Variants in PACSIN2 observed in about 807,000 individuals in gnomAD.
The protein encoded by PACSIN2 is protein kinase C and casein kinase substrate in neurons protein 2.
In PACSIN2, 25 loss-of-function variants were observed where a neutral mutation model predicts 63.8. The ratio of observed to expected loss-of-function variants is 0.39; its 90% CI spans 0.29 to 0.55. The LOEUF is 0.55. PACSIN2 is among the 20% of genes least tolerant of loss of function. The pLI is 0.62. For missense variants in PACSIN2, 518 were observed against 646.9 expected (o/e 0.80, Z 2.16); for synonymous variants, 255 against 256.2 (o/e 1.00, Z 0.05).
At chr22:42,909,946 C>T (rs977648332) in intron 2 of PACSIN2, among the ~76,000 whole-genome samples, 1 of 152,220 alleles carries the variant, frequency 6.6e-6, no homozygotes, top group African/African-American at 2.4e-5. Context: ...AGGGCCCCCA[C>T]CAGCCTTGCC....
intron 1 of PACSIN2, among the ~76,000 whole-genome samples, chr22:42,946,113 G>C (rs1933407525): frequency 6.6e-6 from 1 of 152,226 alleles, no homozygotes; most frequent in Non-Finnish European, 1.5e-5. Flanking sequence ...AATTAGAGGA[G>C]GTGGAGGAGA....
chr22:42,928,906 C>T (rs1932699599), intron 1 of PACSIN2, among the ~76,000 whole-genome samples: 2 of 152,310 alleles, frequency 1.3e-5, no homozygotes, highest in East Asian at 3.9e-4. Flanking sequence ...TGGGCAAGTC[C>T]CTTATCTTCT....
At chr22:42,969,092 A>AC (rs1203610422) in intron 1 of PACSIN2, among the ~76,000 whole-genome samples, 1 of 138,308 alleles carries the variant, frequency 7.2e-6, no homozygotes, top group African/African-American at 2.8e-5. Context: ...TCTGACTAAT[A>AC]CAGCCACGTA....
At chr22:42,907,393 T>C (rs1931148863) in intron 2 of PACSIN2, among the ~76,000 whole-genome samples, 1 of 152,242 alleles carries the variant, frequency 6.6e-6, no homozygotes, top group Non-Finnish European at 1.5e-5. Context: ...CAGCAGATAC[T>C]AGTTCAGTGA....
chr22:42,934,569 G>C (rs1325558282), intron 1 of PACSIN2, among the ~76,000 whole-genome samples: 1 of 152,228 alleles, frequency 6.6e-6, no homozygotes, highest in East Asian at 1.9e-4. Flanking sequence ...CACACGTGCA[G>C]CACACTGCCA....
At chr22:42,964,041 T>C (rs557196479) in intron 1 of PACSIN2, among the ~76,000 whole-genome samples, 1 of 152,334 alleles carries the variant, frequency 6.6e-6, no homozygotes, top group African/African-American at 2.4e-5. Flanking sequence ...TTTCATTACC[T>C]CAAAGAGAAA....
chr22:43,010,398 A>ATATATATATATATATATATAT, intron 1 of PACSIN2, among the ~76,000 whole-genome samples: 289 of 126,386 alleles, frequency 2.3e-3, no homozygotes, highest in East Asian at 6.9e-3. Context: ...ATATATATAT[A>ATATATATATATATATATATAT]TTTTTTTTTA....
intron 1 of PACSIN2, among the ~76,000 whole-genome samples, chr22:42,914,098 A>G (rs1931651459): frequency 6.6e-6 from 1 of 152,218 alleles, no homozygotes; most frequent in Non-Finnish European, 1.5e-5. Flanking sequence ...GCTCTCATGG[A>G]GAGAACTCCA....
intron 1 of PACSIN2, among the ~76,000 whole-genome samples, chr22:42,921,220 G>A (rs923030143): frequency 2.6e-5 from 4 of 151,960 alleles, no homozygotes; most frequent in East Asian, 1.9e-4. Context: ...TTAGCCAGGC[G>A]TGGTGGCACA....
Position 42,871,310 on chromosome 22 carries a change from T to C in PACSIN2, c.*47A>G, listed in dbSNP as rs1415996301. 2.4e-6 allele frequency: 3 copies of C among 1,240,908 alleles called. No homozygotes were observed. Among genetic ancestry groups the C allele is most frequent in the Admixed American group, 3.4e-5 (2 of 58,198 alleles). 76.9% of individuals were successfully genotyped at this position (1,240,908 alleles called of 1,614,324 possible). A position where few individuals can be genotyped will look rare whatever the true frequency, so the allele number is the denominator to read the frequency against. On this transcript the variant is annotated 3_prime_UTR_variant, in exon 11 of 11. Transcript: ENST00000263246. The surrounding 1 kb of genome is among the most constrained non-coding windows in gnomAD (Gnocchi z 5.4). Reference sequence around the variant, plus strand: ...GGATGCCCACGTGGCTGGCTGAGGCTCCTGGGCCCGCCGCCTCCGTCCCCC... The same window carrying C: ...GGATGCCCACGTGGCTGGCTGAGGCCCCTGGGCCCGCCGCCTCCGTCCCCC...
At chr22:43,012,897 GC>G (rs1487439909) in intron 1 of PACSIN2, among the ~76,000 whole-genome samples, 25 of 151,986 alleles carry the variant, frequency 1.6e-4, no homozygotes, top group Non-Finnish European at 2.8e-4. Flanking sequence ...CTGGTGATCC[GC>G]CCGCCTCTGC....
At chr22:42,924,649 G>A (rs1397171850) in intron 1 of PACSIN2, among the ~76,000 whole-genome samples, 1 of 152,016 alleles carries the variant, frequency 6.6e-6, no homozygotes, top group East Asian at 1.9e-4. Flanking sequence ...TGGCTCCTCC[G>A]CTGGTCTGGG....
chr22:42,934,563 C>A (rs925675334), intron 1 of PACSIN2, among the ~76,000 whole-genome samples: 2 of 152,382 alleles, frequency 1.3e-5, no homozygotes, highest in East Asian at 3.9e-4. Context: ...GATAGCCACA[C>A]GTGCAGCACA....
intron 1 of PACSIN2, among the ~76,000 whole-genome samples, chr22:42,919,413 C>A (rs937597223): frequency 6.6e-6 from 1 of 152,192 alleles, no homozygotes; most frequent in African/African-American, 2.4e-5. Context: ...AGGGACTCAT[C>A]TGGCACTTCT....
intron 1 of PACSIN2, among the ~76,000 whole-genome samples, chr22:42,926,663 T>C (rs1286968845): frequency 8.0e-5 from 11 of 137,286 alleles, no homozygotes. Flanking sequence ...AGCCCTCTTC[T>C]TCCCACAGGA....
chr22:42,877,318 C>T (rs1001433561), intron 8 of PACSIN2, among the ~76,000 whole-genome samples: 6 of 152,112 alleles, frequency 3.9e-5, no homozygotes, highest in African/African-American at 1.4e-4. Flanking sequence ...GAGCAAAAGT[C>T]GTTTCCAGGT....
At position 42,912,268 on chromosome 22, in the gene PACSIN2, G is replaced by A. The variant is rs778857148; in HGVS notation, c.-77-111C>T. On this transcript the variant is annotated intron_variant, in intron 1 of 10. Transcript: ENST00000263246. The stretch of plus-strand genomic sequence containing the variant: ...CTAATCACTGCCTTCAGTACAGGGC[G>A]GTCTATAATATTTCCTTTAGGTGGC... The A allele has an allele frequency of 6.9e-5, 37 of 535,842 alleles. 1 individual carries two copies. Among genetic ancestry groups the A allele is most frequent in the South Asian group, 5.5e-4 (21 of 38,092 alleles). 33.2% of individuals were successfully genotyped at this position (535,842 alleles called of 1,614,324 possible).
intron 1 of PACSIN2, among the ~76,000 whole-genome samples, chr22:42,966,523 AC>A (rs971099586): frequency 1.2e-4 from 19 of 152,232 alleles, no homozygotes; most frequent in African/African-American, 4.3e-4. Flanking sequence ...AAATGTTAAA[AC>A]CCTTTACATA....
chr22:42,912,313 A>C (rs368304502), intron 1 of PACSIN2, among the ~76,000 whole-genome samples, 156 bp from the exon 2 acceptor site: 19 of 152,304 alleles, frequency 1.2e-4, no homozygotes, highest in African/African-American at 4.3e-4. Flanking sequence ...GTAGACTCTA[A>C]TCAACTCTGG....
Sources: allele counts gnomAD v4.1 joint callset (sites outside exome capture counted in the v4.1 genomes callset), GRCh38; gene constraint gnomAD v4.1.1; non-coding constraint Gnocchi (gnomAD v3.1); transcripts MANE v1.5; gene names NCBI Gene and HGNC (gene_info 2026-07-23, HGNC 2026-07-21).